The following RASGRP3 variants were observed in gnomAD, a reference collection of about 807,000 sequenced individuals.
The protein encoded by RASGRP3 is RAS guanyl releasing protein 3.
In RASGRP3, 54 loss-of-function variants were observed where a neutral mutation model predicts 82.7. The observed-to-expected ratio is 0.65, with a 90% CI of 0.52 to 0.82. The LOEUF (loss-of-function observed/expected upper bound fraction) is 0.82, where lower values mean the gene tolerates loss of function less well. RASGRP3 is among the 40% of genes least tolerant of loss of function. The pLI is 0.00. For synonymous variants in RASGRP3, 309 were observed against 300.5 expected (o/e 1.03, Z -0.29); for missense variants, 861 against 828.9 (o/e 1.04, Z -0.48).
At chr2:33,518,420 A>G (rs535080239) in intron 4 of RASGRP3, among the ~76,000 whole-genome samples, 13 of 152,368 alleles carry the variant, frequency 8.5e-5, no homozygotes, top group Admixed American at 4.6e-4. Flanking sequence ...GAAGCCGCTC[A>G]GGGTGAGTCA....
At chr2:33,530,455 G>C (rs1673006330) in intron 10 of RASGRP3, among the ~76,000 whole-genome samples, 12 of 150,434 alleles carry the variant, frequency 8.0e-5, no homozygotes, top group Admixed American at 7.9e-4. Flanking sequence ...CTGCAATGCA[G>C]CCTGGGCAGG....
chr2:33,516,290 C>T (rs1671459198), intron 3 of RASGRP3, among the ~76,000 whole-genome samples: 1 of 152,140 alleles, frequency 6.6e-6, no homozygotes, highest in Non-Finnish European at 1.5e-5. Flanking sequence ...CGCCTGTAGT[C>T]CCAGCTACTC....
intron 6 of RASGRP3, 25 bp downstream of exon 6, chr2:33,520,709 A>C: frequency 1.2e-6 from 2 of 1,612,958 alleles, no homozygotes; most frequent in East Asian, 2.2e-5. Context: ...GACGTCTTTC[A>C]CACCCAATAA....
chr2:33,442,850 T>C (rs894315569), intron 1 of RASGRP3, among the ~76,000 whole-genome samples: 3 of 151,666 alleles, frequency 2.0e-5, no homozygotes, highest in Non-Finnish European at 4.4e-5. Flanking sequence ...TACAAAGATA[T>C]TATTGTTTTG....
intron 2 of RASGRP3, among the ~76,000 whole-genome samples, chr2:33,469,749 C>T (rs1666947299): frequency 6.6e-6 from 1 of 152,184 alleles, no homozygotes; most frequent in Admixed American, 6.5e-5. Flanking sequence ...GCATGAGCCA[C>T]CGTGCTGCTG....
At chr2:33,521,534 C>G (rs1672034755) in intron 6 of RASGRP3, among the ~76,000 whole-genome samples, 1 of 152,226 alleles carries the variant, frequency 6.6e-6, no homozygotes, top group Admixed American at 6.5e-5. Flanking sequence ...GGCAGCGAGG[C>G]CCAGGCCTCT....
In RASGRP3 at chr2:33,562,916, AACT is replaced by A; in HGVS notation, c.*181_*183del. 1 of 725,118 alleles carries A rather than the reference AACT, an allele frequency of 1.4e-6. No individual in the cohort carries two copies. The highest frequency in any genetic ancestry group is 2.3e-6 in the Non-Finnish European group (1 of 444,084). The allele number at this position is 725,118 out of a possible 1,614,324, so 44.9% of individuals were successfully genotyped here. ...ATGGGACAGAGAATTGACCCTAACT[AACT>A]AACTATGAACTATTTATTTCCTCCT... On this transcript the variant is annotated 3_prime_UTR_variant, in exon 18 of 18. Transcript: ENST00000403687.
chr2:33,542,664 C>T (rs930651890), intron 12 of RASGRP3, among the ~76,000 whole-genome samples: 18 of 146,382 alleles, frequency 1.2e-4, no homozygotes, highest in Admixed American at 7.0e-4. Flanking sequence ...CTTTCCCCCC[C>T]CCACCAATAT....
At chr2:33,540,622 TCTC>T (rs1674207519) in intron 12 of RASGRP3, among the ~76,000 whole-genome samples, 1 of 140,522 alleles carries the variant, frequency 7.1e-6, no homozygotes, top group East Asian at 2.0e-4. Flanking sequence ...AATTTCTCTC[TCTC>T]TCTCTCTCTC....
intron 10 of RASGRP3, among the ~76,000 whole-genome samples, chr2:33,529,487 CA>C (rs56664748): frequency 5.8e-4 from 33 of 57,000 alleles, no homozygotes; most frequent in South Asian, 6.6e-4. Context: ...GACTCCATCT[CA>C]AAAAAAAAAA....
upstream of RASGRP3, among the ~76,000 whole-genome samples, chr2:33,473,439 A>T (rs1301157446): frequency 6.6e-6 from 1 of 151,926 alleles, no homozygotes; most frequent in African/African-American, 2.4e-5. Flanking sequence ...ACAATGTGAG[A>T]ACGTGAGCAT....
At position 33,558,973 on chromosome 2, in the gene RASGRP3, G is replaced by T; in HGVS notation, c.2007G>T (p.Arg669=). Residue 669 remains arginine (R), a synonymous_variant, in exon 17 of 18, where the codon CGG becomes CGT. Coordinates refer to ENST00000403687, the MANE Select transcript of RASGRP3 (RefSeq NM_001139488.2). ...ATGCTGGTGTGGATGTTGTAGACCG[G>T]GGCACGGAGTTTGAACTTGACCAGG... The part of the protein sequence containing the change: ...RVHAGVDVVD[R]GTEFELDQDE... 1 of 1,613,888 alleles carries T rather than the reference G, an allele frequency of 6.2e-7. No homozygotes were observed. Among genetic ancestry groups the T allele is most frequent in the South Asian group, 1.1e-5 (1 of 91,048 alleles).
Position 33,534,331 on chromosome 2 carries a change from G to A in RASGRP3, c.1092G>A (p.Leu364=). The change falls in exon 11 of 18, where the codon CTG becomes CTA. Residue 364 remains leucine, a synonymous_variant. Transcript: ENST00000403687. Reference sequence around the variant, plus strand: ...TTCTAATTTTGTTGTAGCTTTCCCTGGACCTCTATCACACTGAAGATGATA... The same window carrying A: ...TTCTAATTTTGTTGTAGCTTTCCCTAGACCTCTATCACACTGAAGATGATA... ...MDLINLLTLS[L]DLYHTEDDIY... 1 of 1,567,712 alleles carries A rather than the reference G, an allele frequency of 6.4e-7. No homozygotes were observed. The highest frequency in any genetic ancestry group is 8.8e-7 in the Non-Finnish European group (1 of 1,139,118).
At chr2:33,490,057 G>C (rs1005811547) in intron 1 of RASGRP3, among the ~76,000 whole-genome samples, 2 of 152,166 alleles carry the variant, frequency 1.3e-5, no homozygotes, top group Non-Finnish European at 2.9e-5. Context: ...TCTTTCTCAT[G>C]TTCCCTTTAC....
intron 10 of RASGRP3, among the ~76,000 whole-genome samples, chr2:33,529,485 C>T: frequency 1.7e-4 from 1 of 5,798 alleles, no homozygotes; most frequent in Non-Finnish European, 2.9e-4. Context: ...GAGACTCCAT[C>T]TCAAAAAAAA....
chr2:33,500,943 ATAAAT>A (rs1158260043), intron 1 of RASGRP3, among the ~76,000 whole-genome samples: 1 of 152,222 alleles, frequency 6.6e-6, no homozygotes. Context: ...AAAAAAATAA[ATAAAT>A]AAAATAAAGT....
intron 1 of RASGRP3, among the ~76,000 whole-genome samples, chr2:33,486,787 G>A (rs1668433727): frequency 6.6e-6 from 1 of 152,096 alleles, no homozygotes; most frequent in Admixed American, 6.5e-5. Context: ...ATTTGAAACA[G>A]TGCATTCCAG....
At chr2:33,491,575 A>T (rs1236192612) in intron 1 of RASGRP3, among the ~76,000 whole-genome samples, 1 of 152,190 alleles carries the variant, frequency 6.6e-6, no homozygotes, top group African/African-American at 2.4e-5. Context: ...CTACATACAA[A>T]ATTGCACACA....
At chr2:33,562,327 G>C (rs1676762896) in intron 17 of RASGRP3, among the ~76,000 whole-genome samples, 1 of 150,586 alleles carries the variant, frequency 6.6e-6, no homozygotes, top group Admixed American at 6.6e-5. Flanking sequence ...GACTGCAGTG[G>C]TACAGTCATA....
Sources: gnomAD v4.1 joint callset for allele counts (sites outside exome capture counted in the v4.1 genomes callset) on GRCh38, gnomAD v4.1.1 for gene constraint, MANE v1.5 for transcripts, NCBI Gene and HGNC (gene_info 2026-07-23, HGNC 2026-07-21) for gene names.